ATRX: variants seen among roughly 807,000 people sequenced by gnomAD.
The protein encoded by ATRX is ATRX chromatin remodeler.
Under a neutral mutation model 172.6 loss-of-function variants are expected in ATRX, and 12 were observed. The ratio of observed to expected loss-of-function variants is 0.07; its 90% confidence interval spans 0.04 to 0.11. ATRX has a LOEUF of 0.11. Ranked by LOEUF, ATRX falls within the 10% of genes least tolerant of loss-of-function variation. The pLI, the probability that ATRX is intolerant of heterozygous loss-of-function variation, is 1.00. For synonymous variants in ATRX, 674 were observed against 594.7 expected (o/e 1.13, Z -1.94); for missense variants, 1,368 against 1,767.4 (o/e 0.77, Z 4.05).
At chrX:77,521,650 G>A (rs998181802) in intron 32 of ATRX, 152 bp from the exon 33 acceptor site, 26 of 430,439 alleles carry the variant, frequency 6.0e-5, no homozygotes, top group African/African-American at 1.5e-4. Context: ...CAATAAAGTG[G>A]AGTAAACCAT....
At chrX:77,621,402 C>T (rs1023309187) in intron 19 of ATRX, among the ~76,000 whole-genome samples, 16 of 111,132 alleles carry the variant, frequency 1.4e-4, no homozygotes, top group African/African-American at 3.6e-4. Flanking sequence ...CTCCACCTCC[C>T]GGGTTCAGGT....
intron 2 of ATRX, among the ~76,000 whole-genome samples, chrX:77,710,933 A>AACACACACACAC (rs145847838): frequency 1.0e-5 from 1 of 97,911 alleles, no homozygotes; most frequent in African/African-American, 3.6e-5. Context: ...ATAGAACTTT[A>AACACACACACAC]ACACACACAC....
chrX:77,600,650 C>T (rs1557086671), intron 22 of ATRX, 86 bp from the exon 23 acceptor site: 1 of 1,036,324 alleles, frequency 9.6e-7, no homozygotes, highest in Non-Finnish European at 1.3e-6. Flanking sequence ...TTACTTGTGA[C>T]ATAAACACTT....
intron 17 of ATRX, 70 bp from the exon 18 acceptor site, chrX:77,633,782 C>A: frequency 9.4e-7 from 1 of 1,060,376 alleles, no homozygotes; most frequent in Non-Finnish European, 1.3e-6. Context: ...AGCAATCTTA[C>A]AATATTATAG....
In ATRX at chrX:77,505,792, C is replaced by T. The variant is rs1213875944; in HGVS notation, c.*2559G>A. On this transcript the variant is annotated 3_prime_UTR_variant, in exon 35 of 35. Coordinates refer to ENST00000373344, the MANE Select transcript of ATRX (RefSeq NM_000489.6). ...AACAGCACTTTGAATGGTGAAAACA[C>T]AGATAGTATATTGTCATACTTGAAT... 5.8e-6 allele frequency: 1 copy of T among 171,216 alleles called. No individual in the cohort carries two copies. Among genetic ancestry groups the T allele is most frequent in the Non-Finnish European group, 1.1e-5 (1 of 89,388 alleles). The allele number at this position is 171,216 out of a possible 1,213,427, so 14.1% of individuals were successfully genotyped here.
chrX:77,700,163 T>C (rs2148691373), intron 2 of ATRX, among the ~76,000 whole-genome samples: 1 of 110,024 alleles, frequency 9.1e-6, no homozygotes, highest in East Asian at 2.8e-4. Context: ...AACATGATTT[T>C]AAAGCAAGGA....
intron 8 of ATRX, 92 bp downstream of exon 8, chrX:77,684,847 G>T: frequency 1.2e-6 from 1 of 857,801 alleles, no homozygotes. Flanking sequence ...CATCAATGAC[G>T]ATACTATGAA....
intron 13 of ATRX, among the ~76,000 whole-genome samples, chrX:77,656,244 C>T (rs899214834): frequency 1.8e-5 from 2 of 111,247 alleles, no homozygotes; most frequent in Admixed American, 1.9e-4. Context: ...AGTAGAAAAG[C>T]CCAAAGTTAG....
intron 13 of ATRX, among the ~76,000 whole-genome samples, chrX:77,655,543 C>T (rs1368296638): frequency 4.5e-5 from 5 of 110,199 alleles, no homozygotes; most frequent in African/African-American, 1.3e-4. Context: ...AGTACGAGGG[C>T]ATGGGGAATG....
At chrX:77,634,745 G>A in intron 16 of ATRX, 42 bp from the exon 17 acceptor site, 3 of 1,089,820 alleles carry the variant, frequency 2.8e-6, no homozygotes, top group East Asian at 3.0e-5. Flanking sequence ...AAAGGTCCAA[G>A]TTAAAAACTT....
intron 1 of ATRX, among the ~76,000 whole-genome samples, chrX:77,774,139 T>C (rs1557200862): frequency 1.8e-5 from 2 of 109,567 alleles, no homozygotes; most frequent in African/African-American, 6.7e-5. Flanking sequence ...GGAGAATCAC[T>C]TGAACCTGGG....
rs782743152 is a variant in ATRX, at chrX:77,682,646, G to C, written c.2610C>G (p.Thr870=). The C allele has an allele frequency of 2.5e-6, 3 of 1,209,313 alleles. No homozygotes were observed. The highest frequency in any genetic ancestry group is 3.4e-6 in the Non-Finnish European group (3 of 895,214). ...MDNQGHKNLK[T]SQEGSSDDAE... ...CATCATCAGATGATCCTTCTTGTGA[G>C]GTCTTCAAATTTTTGTGCCCTTGAT... The change falls in exon 9 of 35, where the codon ACC becomes ACG. Residue 870 remains threonine (T), a synonymous_variant. Transcript: ENST00000373344.
At position 77,681,574 on chromosome X, in the gene ATRX, G is replaced by A. The variant is rs782743875; in HGVS notation, c.3682C>T (p.Pro1228Ser). ...EGSSDEQKIKPVTENLVLSSH... is the reference protein window; with the variant it reads ...EGSSDEQKIKSVTENLVLSSH... ...GACAGCACTAAATTTTCAGTCACAG[G>A]CTTAATTTTCTGTTCATCGCTGCTT... The change falls in exon 9 of 35, where the codon CCT becomes TCT. Residue 1228 changes from proline to serine, a missense_variant. Transcript: ENST00000373344. 9.1e-6 allele frequency: 11 copies of A among 1,209,516 alleles called. No homozygotes were observed. In the South Asian group the frequency reaches 1.4e-4, roughly 16 times the overall value.
intron 28 of ATRX, among the ~76,000 whole-genome samples, chrX:77,570,749 T>C (rs978376794): frequency 2.5e-4 from 28 of 111,362 alleles, no homozygotes; most frequent in Admixed American, 2.9e-4. Context: ...TGAAAGACCC[T>C]GTGAAGGGGA....
chrX:77,609,355 A>G (rs1446361941), intron 22 of ATRX, among the ~76,000 whole-genome samples: 1 of 112,454 alleles, frequency 8.9e-6, no homozygotes, highest in Admixed American at 9.4e-5. Context: ...AGATGAATGA[A>G]TAAAGAAAAT....
chrX:77,751,576 T>C (rs2075300162), intron 1 of ATRX, among the ~76,000 whole-genome samples: 1 of 112,347 alleles, frequency 8.9e-6, no homozygotes, highest in South Asian at 3.6e-4. Flanking sequence ...GTTTTAGTCA[T>C]GGAAGTCTTT....
chrX:77,527,613 C>T (rs1199824756), intron 30 of ATRX, among the ~76,000 whole-genome samples: 1 of 111,573 alleles, frequency 9.0e-6, no homozygotes, highest in Admixed American at 9.4e-5. Context: ...TGCTCCTGCC[C>T]CGGGATCCCC....
At chrX:77,749,388 A>T (rs1347401663) in intron 1 of ATRX, among the ~76,000 whole-genome samples, 2 of 111,347 alleles carry the variant, frequency 1.8e-5, no homozygotes, top group Non-Finnish European at 3.8e-5. Flanking sequence ...CCATATCTTT[A>T]ATCTTGTGAA....
At chrX:77,727,247 T>A (rs2148797487) in intron 1 of ATRX, among the ~76,000 whole-genome samples, 1 of 111,891 alleles carries the variant, frequency 8.9e-6, no homozygotes, top group African/African-American at 3.2e-5. Context: ...ATAAATTCGT[T>A]CAACCATTGT....
Sources: gnomAD v4.1 joint callset for allele counts (sites outside exome capture counted in the v4.1 genomes callset) on GRCh38, gnomAD v4.1.1 for gene constraint, MANE v1.5 for transcripts, NCBI Gene and HGNC (gene_info 2026-07-23, HGNC 2026-07-21) for gene names.